MAN1C1: variants seen among roughly 807,000 people sequenced by gnomAD.
MAN1C1 encodes mannosyl-oligosaccharide 1,2-alpha-mannosidase IC.
In MAN1C1, 49 loss-of-function variants were observed where a neutral mutation model predicts 71.5. That is an observed-to-expected ratio of 0.69 (90% CI 0.54 to 0.87). The LOEUF (loss-of-function observed/expected upper bound fraction) is 0.87, where lower values mean the gene tolerates loss of function less well. Among genes scored for constraint, MAN1C1 ranks in the 40% least tolerant of loss-of-function variants. The probability of loss-of-function intolerance (pLI) is 0.00; values close to 1 mark genes in which losing one functional copy is unlikely to be tolerated. For missense variants in MAN1C1, 743 were observed against 835.0 expected (o/e 0.89, Z 1.36); for synonymous variants, 352 against 343.7 (o/e 1.02, Z -0.27).
rs1479387919 is a variant in MAN1C1, at chr1:25,758,031, G to A, written c.930-561G>A. On this transcript the variant is annotated intron_variant, in intron 5 of 11. Transcript: ENST00000374332. ...CAGAGCTCCCTGCCTGTCCTATGTA[G>A]GTTCCATGAAATTCCAGGCCGGGGC... Among the ~76,000 whole-genome samples, 4 of 152,342 alleles carry A rather than the reference G, an allele frequency of 2.6e-5. No homozygotes were observed. The South Asian group carries it at 8.3e-4, about 32-fold the overall frequency.
At chr1:25,665,542 A>G (rs1192204747) in intron 1 of MAN1C1, among the ~76,000 whole-genome samples, 1 of 152,188 alleles carries the variant, frequency 6.6e-6, no homozygotes, top group Non-Finnish European at 1.5e-5. Flanking sequence ...GTGTCCCATT[A>G]CAGACCAATC....
In MAN1C1 at chr1:25,730,257, G is replaced by A. The variant is rs550769469; in HGVS notation, c.638-16411G>A. Among the ~76,000 whole-genome samples the A allele has an allele frequency of 2.0e-4, 30 of 152,196 alleles. No individual in the cohort carries two copies. The highest frequency in any genetic ancestry group is 5.8e-4 in the East Asian group (3 of 5,182). Reference sequence around the variant, plus strand: ...AGTTTTTGACAGTTACCCTGAAACCGTTTTAAAATGATCTCAGAGGCAGAG... The same window carrying A: ...AGTTTTTGACAGTTACCCTGAAACCATTTTAAAATGATCTCAGAGGCAGAG... On this transcript the variant is annotated intron_variant, in intron 2 of 11. Coordinates refer to ENST00000374332, the MANE Select transcript of MAN1C1 (RefSeq NM_020379.4). The surrounding 1 kb of genome is among the most constrained non-coding windows in gnomAD (Gnocchi z 4.3).
chr1:25,767,486 T>C (rs1307888286), intron 7 of MAN1C1, among the ~76,000 whole-genome samples: 2 of 99,626 alleles, frequency 2.0e-5, no homozygotes, highest in African/African-American at 4.0e-5. Flanking sequence ...TCCCCTCACA[T>C]ACATCCACAC....
At chr1:25,627,184 T>C (rs1180364478) in intron 1 of MAN1C1, among the ~76,000 whole-genome samples, 13 of 152,266 alleles carry the variant, frequency 8.5e-5, no homozygotes, top group Admixed American at 8.5e-4. Context: ...TAATTGACTA[T>C]ATACAATATG....
chr1:25,654,624 T>C (rs1329167915), intron 1 of MAN1C1, among the ~76,000 whole-genome samples: 1 of 152,156 alleles, frequency 6.6e-6, no homozygotes, highest in African/African-American at 2.4e-5. Flanking sequence ...CGTAATCTGC[T>C]CATGTTTAGG....
At chr1:25,694,228 G>A (rs892152234) in intron 2 of MAN1C1, among the ~76,000 whole-genome samples, 5 of 152,078 alleles carry the variant, frequency 3.3e-5, no homozygotes, top group Non-Finnish European at 5.9e-5. Flanking sequence ...AGTACACTCC[G>A]AATCAGCAGA....
chr1:25,773,238 T>G (rs1369042268), intron 8 of MAN1C1, among the ~76,000 whole-genome samples: 1 of 130,600 alleles, frequency 7.7e-6, no homozygotes, highest in African/African-American at 3.0e-5. Context: ...GAGGGAAGGA[T>G]GGATGGAGGG....
intron 1 of MAN1C1, 23 bp from the exon 2 acceptor site, chr1:25,686,417 C>T (rs761624331): frequency 5.6e-6 from 9 of 1,609,022 alleles, no homozygotes; most frequent in Non-Finnish European, 7.7e-6. Flanking sequence ...CTGAGGTTCT[C>T]TCTATGCTGC....
At chr1:25,684,231 G>C (rs2046196618) in intron 1 of MAN1C1, among the ~76,000 whole-genome samples, 1 of 151,742 alleles carries the variant, frequency 6.6e-6, no homozygotes, top group Non-Finnish European at 1.5e-5. Flanking sequence ...ACTTAATAGA[G>C]CCCTCAGATA....
At chr1:25,701,719 C>A (rs184689480) in intron 2 of MAN1C1, among the ~76,000 whole-genome samples, 2 of 152,252 alleles carry the variant, frequency 1.3e-5, no homozygotes, top group East Asian at 3.9e-4. Flanking sequence ...CTCTGTTGAC[C>A]CTATTCATCT....
rs143104023 is a variant in MAN1C1 at position 25,672,626 on chromosome 1, C to T, written c.541-13814C>T. Among the ~76,000 whole-genome samples, 8 of 152,242 alleles carry T rather than the reference C, an allele frequency of 5.3e-5. No individual in the cohort carries two copies. In the East Asian group the frequency reaches 5.8e-4, roughly 11 times the overall value. On this transcript the variant is annotated intron_variant, in intron 1 of 11. Transcript: ENST00000374332. ...AAGGACCCTTCTGATTGTACTGGGC[C>T]CACCCCGATAATCAGGCTAATCTCC...
At chr1:25,674,054 A>T (rs1226684612) in intron 1 of MAN1C1, among the ~76,000 whole-genome samples, 2 of 152,170 alleles carry the variant, frequency 1.3e-5, no homozygotes, top group Non-Finnish European at 2.9e-5. Context: ...GATAGAACAG[A>T]GCGGTTGGGG....
At chr1:25,623,512 G>C (rs971389658) in intron 1 of MAN1C1, among the ~76,000 whole-genome samples, 1 of 152,096 alleles carries the variant, frequency 6.6e-6, no homozygotes, top group Non-Finnish European at 1.5e-5. Flanking sequence ...ATTTACATCC[G>C]AGTTCAAGAA....
At chr1:25,643,861 G>T (rs1036677581) in intron 1 of MAN1C1, among the ~76,000 whole-genome samples, 1 of 152,006 alleles carries the variant, frequency 6.6e-6, no homozygotes, top group Non-Finnish European at 1.5e-5. Context: ...CCTAAAAATT[G>T]CCTTCATGTG....
chr1:25,773,591 G>A lies in MAN1C1; in HGVS notation c.1257+1819G>A, dbSNP rs372490896. On this transcript the variant is annotated intron_variant, in intron 8 of 11. Coordinates refer to ENST00000374332, the MANE Select transcript of MAN1C1 (RefSeq NM_020379.4). ...AATTAGTGTGCAGCTGGTGGTGGCC[G>A]GAGTGTGCTGCCCAGAGGCCCTTTC... Among the ~76,000 whole-genome samples the A allele has an allele frequency of 1.2e-4, 19 of 152,290 alleles. No individual in the cohort carries two copies. The East Asian group carries it at 1.5e-3, about 12-fold the overall frequency.
At chr1:25,688,401 C>T (rs1461658767) in intron 2 of MAN1C1, among the ~76,000 whole-genome samples, 2 of 152,194 alleles carry the variant, frequency 1.3e-5, no homozygotes, top group Non-Finnish European at 2.9e-5. Context: ...AAAGCTTCCT[C>T]CTTCTCTCTA....
At chr1:25,732,343 C>G (rs1247347322) in intron 2 of MAN1C1, among the ~76,000 whole-genome samples, 1 of 152,178 alleles carries the variant, frequency 6.6e-6, no homozygotes, top group Non-Finnish European at 1.5e-5. Context: ...AATGGCACAG[C>G]AGTGAAGGGC....
intron 4 of MAN1C1, among the ~76,000 whole-genome samples, chr1:25,752,791 A>T (rs2047233923): frequency 6.6e-6 from 1 of 152,176 alleles, no homozygotes; most frequent in East Asian, 1.9e-4. Flanking sequence ...GTGGTTGAGG[A>T]TAAGCCACTC....
Position 25,783,733 on chromosome 1 carries a change from C to T in MAN1C1, c.1837C>T (p.His613Tyr). ...AGACTGGGTGTTCAACACCGAGGCC[C>T]ACCCACTCCCGGTGAACCACTCAGA... ...LEDWVFNTEA[H>Y]PLPVNHSDSS... The change falls in exon 12 of 12, where the codon CAC becomes TAC. Residue 613 changes from histidine to tyrosine, a missense_variant. Transcript: ENST00000374332. 1.2e-6 allele frequency: 2 copies of T among 1,613,286 alleles called. No individual in the cohort carries two copies. Among genetic ancestry groups the T allele is most frequent in the Non-Finnish European group, 1.7e-6 (2 of 1,180,034 alleles).
Sources: gnomAD v4.1 joint callset for allele counts (sites outside exome capture counted in the v4.1 genomes callset) on GRCh38, gnomAD v4.1.1 for gene constraint, Gnocchi (gnomAD v3.1) non-coding constraint, MANE v1.5 for transcripts, NCBI Gene and HGNC (gene_info 2026-07-23, HGNC 2026-07-21) for gene names.